LIPM: variants seen among roughly 807,000 people sequenced by gnomAD.
The protein encoded by LIPM is lipase family member M, also known as lipase member M.
In LIPM, 42 loss-of-function variants were observed where a neutral mutation model predicts 42.4. The ratio of observed to expected loss-of-function variants is 0.99; its 90% CI spans 0.77 to 1.28. The LOEUF is 1.28. Among genes scored for constraint, LIPM ranks in the 50% most tolerant of loss-of-function variants. The pLI is 0.00. For missense variants in LIPM, 524 were observed against 520.1 expected, an observed-to-expected ratio of 1.01 and a Z score of -0.07; for synonymous variants, 177 against 173.3, an observed-to-expected ratio of 1.02 and a Z score of -0.17.
intron 1 of LIPM, among the ~76,000 whole-genome samples, chr10:88,807,878 C>T (rs570141953): frequency 6.6e-6 from 1 of 152,266 alleles, no homozygotes; most frequent in Admixed American, 6.5e-5. Context: ...CCAGAAGATT[C>T]TGATGCACAA....
Position 88,803,186 on chromosome 10 carries a change from A to G in LIPM, c.147+143A>G. 2 of 939,584 alleles carry G rather than the reference A, an allele frequency of 2.1e-6. 1 individual carries two copies. Among genetic ancestry groups the G allele is most frequent in the Non-Finnish European group, 3.1e-6 (2 of 649,230 alleles). 58.2% of individuals were successfully genotyped at this position (939,584 alleles called of 1,614,324 possible). On this transcript the variant is annotated intron_variant, in intron 1 of 8. Coordinates refer to ENST00000404743, the MANE Select transcript of LIPM (RefSeq NM_001128215.1). Reference sequence around the variant, plus strand: ...GATGAAGTAGCAAATTGTACTGGAAAGAATGCTAAACTGGATGTCAGTAGA... The same window carrying G: ...GATGAAGTAGCAAATTGTACTGGAAGGAATGCTAAACTGGATGTCAGTAGA...
intron 1 of LIPM, among the ~76,000 whole-genome samples, chr10:88,804,088 A>G (rs1843559571): frequency 6.6e-6 from 1 of 152,168 alleles, no homozygotes; most frequent in Admixed American, 6.5e-5. Flanking sequence ...GGGTTCAAAA[A>G]CTGAGAGGAA....
At chr10:88,817,752 C>A in intron 7 of LIPM, 73 bp from the exon 8 acceptor site, 1 of 999,572 alleles carries the variant, frequency 1.0e-6, no homozygotes, top group East Asian at 2.6e-5. Context: ...CACTGGGTAG[C>A]ACATTTCCAC....
rs1026751510 is a variant in LIPM at position 88,818,485 on chromosome 10, C to A, written c.1002+589C>A. On this transcript the variant is annotated intron_variant, in intron 8 of 8. Coordinates refer to ENST00000404743, the MANE Select transcript of LIPM (RefSeq NM_001128215.1). The stretch of plus-strand genomic sequence containing the variant: ...GTTACATTTTTTAAAAATGTTATTA[C>A]ATTACCCAAGAAAATATGTAGCTAA... Among the ~76,000 whole-genome samples the A allele has an allele frequency of 3.9e-5, 6 of 152,302 alleles. No individual in the cohort carries two copies. In the East Asian group the frequency reaches 1.2e-3, roughly 29 times the overall value.
chr10:88,817,966 C>A, intron 8 of LIPM, 70 bp downstream of exon 8: 3 of 1,166,520 alleles, frequency 2.6e-6, no homozygotes, highest in Non-Finnish European at 2.5e-6. Context: ...GTTATAATGA[C>A]AGTTTATTCT....
In LIPM at chr10:88,813,143, T is replaced by A; in HGVS notation, c.312T>A (p.Ala104=). 6.2e-7 allele frequency: 1 copy of A among 1,610,758 alleles called. No homozygotes were observed. Among genetic ancestry groups the A allele is most frequent in the Non-Finnish European group, 8.5e-7 (1 of 1,178,200 alleles). The change falls in exon 3 of 9, where the codon GCT becomes GCA. Residue 104 remains alanine, a synonymous_variant. Transcript: ENST00000404743. ...VLLQHGLVGG[A]SNWISNLPNN... ...TGCAGCATGGCCTAGTTGGAGGTGC[T>A]AGCAACTGGATTTCCAACCTGCCCA...
intron 6 of LIPM, among the ~76,000 whole-genome samples, chr10:88,816,390 G>A (rs1166954264): frequency 2.6e-5 from 4 of 152,020 alleles, no homozygotes; most frequent in African/African-American, 9.7e-5. Flanking sequence ...TATGTATCAG[G>A]CTAATTTATT....
chr10:88,808,903 A>G lies in LIPM; in HGVS notation c.265+488A>G, dbSNP rs559747501. Among the ~76,000 whole-genome samples the G allele has an allele frequency of 4.8e-5, 7 of 144,762 alleles. 1 individual carries two copies. The highest frequency in any genetic ancestry group is 2.0e-4 in the Admixed American group (3 of 14,724). 95.0% of individuals were successfully genotyped at this position (144,762 alleles called of 152,430 possible). On this transcript the variant is annotated intron_variant, in intron 2 of 8. Transcript: ENST00000404743. ...AGGGCTTTTGAAAAACGAAAGTTCT[A>G]TACATACATTTTATTTTATTTTATT... is the stretch of plus-strand genomic sequence containing the variant.
Position 88,810,293 on chromosome 10 carries a change from C to T in LIPM, c.265+1878C>T, listed in dbSNP as rs533628939. On this transcript the variant is annotated intron_variant, in intron 2 of 8. Transcript: ENST00000404743. ...TAAAAGCACAGTTCTTCCAAGCAGT[C>T]GAGTGACTTAGCAATTACTAAGCAT... Among the ~76,000 whole-genome samples the T allele has an allele frequency of 3.3e-5, 5 of 152,294 alleles. No individual in the cohort carries two copies. The South Asian group carries it at 6.2e-4, about 19-fold the overall frequency.
chr10:88,804,061 C>T (rs546461550), intron 1 of LIPM, among the ~76,000 whole-genome samples: 1 of 152,300 alleles, frequency 6.6e-6, no homozygotes, highest in East Asian at 1.9e-4. Context: ...ACCCTTTCTA[C>T]AGAAGCTTCC....
chr10:88,808,858 T>A (rs377347662), intron 2 of LIPM, among the ~76,000 whole-genome samples: 18 of 152,176 alleles, frequency 1.2e-4, no homozygotes, highest in African/African-American at 3.9e-4. Context: ...ATATTTAAGA[T>A]GTTGCCTAGC....
chr10:88,812,878 G>T (rs1843670825), intron 2 of LIPM, among the ~76,000 whole-genome samples: 4 of 152,134 alleles, frequency 2.6e-5, no homozygotes, highest in Admixed American at 2.6e-4. Context: ...TCCATTTCTT[G>T]TGCTCTATTT....
chr10:88,813,225 A>G lies in LIPM; in HGVS notation c.394A>G (p.Ser132Gly). ...DAGFDVWMGN[S>G]RGNAWSRKHK... ...TGGTTTTGACGTGTGGATGGGGAAC[A>G]GCAGGGGAAACGCCTGGTCTCGAAA... is the stretch of plus-strand genomic sequence containing the variant. The change falls in exon 3 of 9, where the codon AGC becomes GGC. Residue 132 changes from serine (S) to glycine (G), a missense_variant. By Grantham distance (56) the Ser-to-Gly change is moderately conservative. Transcript: ENST00000404743. 2 of 1,613,736 alleles carry G rather than the reference A, an allele frequency of 1.2e-6. No individual in the cohort carries two copies. The highest frequency in any genetic ancestry group is 1.7e-6 in the Non-Finnish European group (2 of 1,179,794).
intron 1 of LIPM, among the ~76,000 whole-genome samples, chr10:88,807,697 T>C (rs1843606009): frequency 6.6e-6 from 1 of 152,132 alleles, no homozygotes; most frequent in South Asian, 2.1e-4. Flanking sequence ...AACCTGAAAA[T>C]GTTAGGAATC....
intron 8 of LIPM, among the ~76,000 whole-genome samples, chr10:88,819,183 C>T (rs1843755889): frequency 6.6e-6 from 1 of 152,140 alleles, no homozygotes; most frequent in Admixed American, 6.5e-5. Context: ...AGCCACTGTG[C>T]CCGGCCCTAA....
intron 2 of LIPM, 36 bp from the exon 3 acceptor site, chr10:88,813,061 A>G (rs1265398226): frequency 6.6e-7 from 1 of 1,510,032 alleles, no homozygotes; most frequent in Non-Finnish European, 9.0e-7. Context: ...AAAGGGAGAG[A>G]ACATTTCATA....
chr10:88,803,024 C>A lies in LIPM; in HGVS notation c.128C>A (p.Pro43Gln). Reference protein sequence around the residue: ...SVHMPTKAVDPEAFMNISEII... With the variant: ...SVHMPTKAVDQEAFMNISEII... ...CATATGCCAACTAAAGCTGTGGACC[C>A]AGAAGCATTCATGAATATTGTAAGT... Residue 43 changes from proline (P) to glutamine (Q), a missense_variant, in exon 1 of 9, where the codon CCA becomes CAA. Pro to Gln is a moderately conservative substitution (Grantham distance 76). Transcript: ENST00000404743. The A allele has an allele frequency of 6.4e-7, 1 of 1,550,752 alleles. No homozygotes were observed.
intron 6 of LIPM, among the ~76,000 whole-genome samples, 197 bp downstream of exon 6, chr10:88,815,700 G>C (rs1193808147): frequency 6.6e-6 from 1 of 152,214 alleles, no homozygotes; most frequent in Non-Finnish European, 1.5e-5. Context: ...TAAGGGCATT[G>C]CTGATATTAA....
chr10:88,812,984 A>G, intron 2 of LIPM, 113 bp from the exon 3 acceptor site: 1 of 855,176 alleles, frequency 1.2e-6, no homozygotes, highest in Admixed American at 2.5e-5. Context: ...GCTAGCAAGC[A>G]GCTGAATCAA....
Sources: allele counts gnomAD v4.1 joint callset (sites outside exome capture counted in the v4.1 genomes callset), GRCh38; gene constraint gnomAD v4.1.1; transcripts MANE v1.5; gene names NCBI Gene and HGNC (gene_info 2026-07-23, HGNC 2026-07-21).